NEK11: variants seen among roughly 807,000 people sequenced by gnomAD.
NEK11 encodes serine/threonine-protein kinase Nek11.
In NEK11, 72 loss-of-function variants were observed where a neutral mutation model predicts 80.7. That is an observed-to-expected ratio of 0.89 (90% confidence interval 0.74 to 1.08). NEK11 has a LOEUF of 1.08. NEK11 is among the 50% of genes least tolerant of loss of function. The pLI is 0.00. For synonymous variants in NEK11, 251 were observed against 260.7 expected (o/e 0.96, Z 0.36); for missense variants, 764 against 763.6 (o/e 1.00, Z -0.01).
intron 17 of NEK11, chr3:131,325,799 G>C (rs925084583): frequency 5.3e-5 from 8 of 152,160 alleles, no homozygotes; most frequent in Non-Finnish European, 8.8e-5. Flanking sequence ...TCAGATACCA[G>C]TCTCGAGTTG....
At chr3:131,278,456 G>A (rs569127969) in intron 17 of NEK11, among the ~76,000 whole-genome samples, 1 of 152,318 alleles carries the variant, frequency 6.6e-6, no homozygotes, top group East Asian at 1.9e-4. Flanking sequence ...TGGATGGATG[G>A]GTGAACGGGT....
chr3:131,168,727 A>T, intron 12 of NEK11, 103 bp from the exon 13 acceptor site: 1 of 712,950 alleles, frequency 1.4e-6, no homozygotes, highest in Non-Finnish European at 2.4e-6. Flanking sequence ...TACCTTGATT[A>T]ATAATGAATA....
intron 17 of NEK11, among the ~76,000 whole-genome samples, chr3:131,317,812 A>AGGGGGGG: frequency 4.3e-4 from 1 of 2,316 alleles, no homozygotes; most frequent in South Asian, 0.038. Flanking sequence ...GGAGGAGAGG[A>AGGGGGGG]GGAGGGGGAG....
chr3:131,308,704 C>T (rs1212657166), intron 17 of NEK11, among the ~76,000 whole-genome samples: 1 of 152,170 alleles, frequency 6.6e-6, no homozygotes, highest in African/African-American at 2.4e-5. Context: ...TTTATACACG[C>T]ACCTGAGGAT....
chr3:131,103,766 C>T (rs576386562), intron 4 of NEK11, among the ~76,000 whole-genome samples: 10 of 152,316 alleles, frequency 6.6e-5, no homozygotes, highest in South Asian at 2.1e-4. Context: ...ATTCCTGCTG[C>T]GGCCCATGAA....
intron 17 of NEK11, among the ~76,000 whole-genome samples, chr3:131,320,030 GCAATTCCA>G (rs1363018866): frequency 6.6e-6 from 1 of 151,838 alleles, no homozygotes; most frequent in East Asian, 1.9e-4. Context: ...TGTAAAAATG[GCAATTCCA>G]TATAGCTCAA....
chr3:131,045,253 A>G (rs1054085574), intron 3 of NEK11, among the ~76,000 whole-genome samples: 1 of 152,178 alleles, frequency 6.6e-6, no homozygotes, highest in Non-Finnish European at 1.5e-5. Context: ...ACAATTGTCT[A>G]TTTGTGCCCT....
At chr3:131,126,683 G>T (rs927100252) in intron 5 of NEK11, among the ~76,000 whole-genome samples, 1 of 151,988 alleles carries the variant, frequency 6.6e-6, no homozygotes, top group South Asian at 2.1e-4. Context: ...GTGGATTTTT[G>T]TTTTAAATTC....
chr3:131,113,178 A>C (rs1383365482), intron 5 of NEK11, among the ~76,000 whole-genome samples: 1 of 152,120 alleles, frequency 6.6e-6, no homozygotes, highest in Non-Finnish European at 1.5e-5. Context: ...GATGAACCTG[A>C]GGTTTTGTGC....
At position 131,192,865 on chromosome 3, in the gene NEK11, G is replaced by A. The variant is rs550520372; in HGVS notation, c.1399+21978G>A. 8.5e-5 allele frequency among the ~76,000 whole-genome samples: 13 copies of A among 152,288 alleles called. No homozygotes were observed. The South Asian group carries it at 2.7e-3, about 32-fold the overall frequency. On this transcript the variant is annotated intron_variant, in intron 14 of 17. Transcript: ENST00000383366. The stretch of plus-strand genomic sequence containing the variant: ...AAAAGTTCTGGACAGGGATGGTGGT[G>A]ATGGTTGCACAACAGTGTGATGGTG...
At chr3:131,030,355 A>G (rs2064636960) in intron 3 of NEK11, among the ~76,000 whole-genome samples, 3 of 152,216 alleles carry the variant, frequency 2.0e-5, no homozygotes. Context: ...GCATTTCAGC[A>G]GGTGAATAAA....
At chr3:131,048,043 C>T (rs1333174121) in intron 3 of NEK11, among the ~76,000 whole-genome samples, 1 of 152,062 alleles carries the variant, frequency 6.6e-6, no homozygotes, top group East Asian at 1.9e-4. Context: ...TCATGCAGGT[C>T]ACCAGGGAAG....
chr3:131,347,832 G>A (rs923945758), intron 17 of NEK11, among the ~76,000 whole-genome samples: 23 of 151,846 alleles, frequency 1.5e-4, no homozygotes, highest in African/African-American at 5.3e-4. Context: ...CCAGCTACTC[G>A]GGAGGCTGAG....
intron 16 of NEK11, among the ~76,000 whole-genome samples, chr3:131,259,753 A>G (rs1305825264): frequency 6.6e-6 from 1 of 152,134 alleles, no homozygotes; most frequent in Admixed American, 6.5e-5. Context: ...TTGGAGGGGC[A>G]TGATTTGGGG....
intron 3 of NEK11, among the ~76,000 whole-genome samples, chr3:131,051,767 C>T (rs2068455080): frequency 6.6e-6 from 1 of 152,146 alleles, no homozygotes; most frequent in African/African-American, 2.4e-5. Flanking sequence ...CTGGTTTCAA[C>T]TGATCCTCCC....
intron 5 of NEK11, among the ~76,000 whole-genome samples, chr3:131,124,260 A>C (rs2082902807): frequency 6.6e-6 from 1 of 152,230 alleles, no homozygotes; most frequent in Admixed American, 6.5e-5. Context: ...TGGAAGAGAC[A>C]AAAGATATTA....
chr3:131,230,692 G>A (rs1390665491), intron 15 of NEK11, among the ~76,000 whole-genome samples: 2 of 152,040 alleles, frequency 1.3e-5, no homozygotes, highest in African/African-American at 4.8e-5. Flanking sequence ...TGTTCTCTGG[G>A]TTGTATATCT....
At chr3:131,272,693 C>G (rs904528346) in intron 16 of NEK11, among the ~76,000 whole-genome samples, 1 of 151,836 alleles carries the variant, frequency 6.6e-6, no homozygotes, top group Admixed American at 6.6e-5. Context: ...CCAGGCTGGT[C>G]CCAAACTCGT....
intron 16 of NEK11, among the ~76,000 whole-genome samples, chr3:131,251,356 A>T (rs543655663): frequency 1.7e-4 from 26 of 152,114 alleles, no homozygotes; most frequent in African/African-American, 5.1e-4. Flanking sequence ...GTCAATTTTT[A>T]AAAAGAGGTA....
Sources: gnomAD v4.1 joint callset for allele counts (sites outside exome capture counted in the v4.1 genomes callset) on GRCh38, gnomAD v4.1.1 for gene constraint, MANE v1.5 for transcripts, NCBI Gene and HGNC (gene_info 2026-07-23, HGNC 2026-07-21) for gene names.